FBXO48: variants seen among roughly 807,000 people sequenced by gnomAD.
FBXO48 encodes the protein F-box only protein 48.
FBXO48 carries 12 observed loss-of-function variants against 14.3 expected under a neutral mutation model. That is an observed-to-expected ratio of 0.84 (90% CI 0.54 to 1.36). The LOEUF (loss-of-function observed/expected upper bound fraction) is 1.36, where lower values mean the gene tolerates loss of function less well. FBXO48 is among the 40% of genes most tolerant of loss of function. The probability of loss-of-function intolerance (pLI) is 0.00; values close to 1 mark genes in which losing one functional copy is unlikely to be tolerated. For missense variants in FBXO48, 177 were observed against 179.1 expected (o/e 0.99, Z 0.07); for synonymous variants, 53 against 61.7 (o/e 0.86, Z 0.66).
chr2:68,467,061 AAC>A (rs1190509110), intron 1 of FBXO48, 148 bp downstream of exon 1: 1 of 152,342 alleles, frequency 6.6e-6, no homozygotes, highest in African/African-American at 2.4e-5. Context: ...GGAACCCAAG[AAC>A]ACAGGGCACT....
chr2:68,461,676 G>C lies in FBXO48; in HGVS notation c.*2533C>G, dbSNP rs1168391951. The stretch of plus-strand genomic sequence containing the variant: ...CTTCTTTCTTCCAACTTATGAAAAG[G>C]GGGGATTGGGTCATGTTTCCATCCT... On this transcript the variant is annotated 3_prime_UTR_variant, in exon 4 of 4. Coordinates refer to ENST00000377957, the MANE Select transcript of FBXO48 (RefSeq NM_001024680.3). 6.6e-6 allele frequency: 1 copy of C among 151,918 alleles called. No individual in the cohort carries two copies. The highest frequency in any genetic ancestry group is 2.4e-5 in the African/African-American group (1 of 41,336). 9.4% of individuals were successfully genotyped at this position (151,918 alleles called of 1,614,324 possible). A position where few individuals can be genotyped will look rare whatever the true frequency, so the allele number is the denominator to read the frequency against.
rs983983120 is a variant in FBXO48 at position 68,466,949 on chromosome 2, G to A, written c.-361+262C>T. Among the ~76,000 whole-genome samples, 5 of 152,158 alleles carry A rather than the reference G, an allele frequency of 3.3e-5. No individual in the cohort carries two copies. In the South Asian group the frequency reaches 8.3e-4, roughly 25 times the overall value. The stretch of plus-strand genomic sequence containing the variant: ...TAGATCGGCGGCAGCGCAGTCGGAG[G>A]GGCGGGGAGCCCCACTCCGTCCAAA... On this transcript the variant is annotated intron_variant, in intron 1 of 3. Transcript: ENST00000377957.
At chr2:68,466,950 G>A (rs1675434158) in intron 1 of FBXO48, among the ~76,000 whole-genome samples, 1 of 152,170 alleles carries the variant, frequency 6.6e-6, no homozygotes, top group Non-Finnish European at 1.5e-5. Context: ...CAGTCGGAGG[G>A]GCGGGGAGCC....
Position 68,464,126 on chromosome 2 carries a change from GA to G in FBXO48, c.*82del. The G allele has an allele frequency of 1.7e-6, 2 of 1,144,530 alleles. No homozygotes were observed. The highest frequency in any genetic ancestry group is 2.5e-6 in the Non-Finnish European group (2 of 800,856). The allele number at this position is 1,144,530 out of a possible 1,614,324, so 70.9% of individuals were successfully genotyped here. ...TAAAAAGGTGAACAACAAAATGAAC[GA>G]ATAAAGATATCGCTTTTGCAACCTA... is the stretch of plus-strand genomic sequence containing the variant. On this transcript the variant is annotated 3_prime_UTR_variant, in exon 4 of 4. Coordinates refer to ENST00000377957, the MANE Select transcript of FBXO48 (RefSeq NM_001024680.3).
rs1675274384 is a variant in FBXO48 at position 68,461,943 on chromosome 2, G to A, written c.*2266C>T. The A allele has an allele frequency of 6.6e-6, 1 of 152,076 alleles. No individual in the cohort carries two copies. Among genetic ancestry groups the A allele is most frequent in the Non-Finnish European group, 1.5e-5 (1 of 68,102 alleles). 9.4% of individuals were successfully genotyped at this position (152,076 alleles called of 1,614,324 possible). On this transcript the variant is annotated 3_prime_UTR_variant, in exon 4 of 4. Transcript: ENST00000377957. Reference sequence around the variant, plus strand: ...CCTGGCTGCTCGGGAGGCTGACACAGAGAGTTGCTTGAACCTGGGAGGTGG... The same window carrying A: ...CCTGGCTGCTCGGGAGGCTGACACAAAGAGTTGCTTGAACCTGGGAGGTGG...
rs1293766401 is a variant in FBXO48 at position 68,459,937 on chromosome 2, A to C, written c.*4272T>G. 1 of 152,212 alleles carries C rather than the reference A, an allele frequency of 6.6e-6. No homozygotes were observed. The highest frequency in any genetic ancestry group is 1.5e-5 in the Non-Finnish European group (1 of 68,036). 9.4% of individuals were successfully genotyped at this position (152,212 alleles called of 1,614,324 possible). A position where few individuals can be genotyped will look rare whatever the true frequency, so the allele number is the denominator to read the frequency against. On this transcript the variant is annotated 3_prime_UTR_variant, in exon 4 of 4. Transcript: ENST00000377957. The stretch of plus-strand genomic sequence containing the variant: ...AGTTTTACAATAGATTTTTGCCAAG[A>C]AAAGAATCAATGGTGGGGATTACTC...
Position 68,461,942 on chromosome 2 carries a change from A to G in FBXO48, c.*2267T>C, listed in dbSNP as rs1457152931. ...TCCTGGCTGCTCGGGAGGCTGACAC[A>G]GAGAGTTGCTTGAACCTGGGAGGTG... On this transcript the variant is annotated 3_prime_UTR_variant, in exon 4 of 4. Coordinates refer to ENST00000377957, the MANE Select transcript of FBXO48 (RefSeq NM_001024680.3). 1.3e-5 allele frequency: 2 copies of G among 151,960 alleles called. No individual in the cohort carries two copies. The highest frequency in any genetic ancestry group is 2.4e-5 in the African/African-American group (1 of 41,336). 9.4% of individuals were successfully genotyped at this position (151,960 alleles called of 1,614,324 possible).
At chr2:68,466,894 C>T (rs572397274) in intron 1 of FBXO48, among the ~76,000 whole-genome samples, 1 of 152,160 alleles carries the variant, frequency 6.6e-6, no homozygotes, top group Non-Finnish European at 1.5e-5. Context: ...AGTAAAAGCT[C>T]GTCCCCCTTT....
At position 68,466,148 on chromosome 2, in the gene FBXO48, G is replaced by C. The variant is rs1675405903; in HGVS notation, c.-38C>G. ...GCTCAGTTTCAGCTAATTTACCTAAGGTGAATGGTGTAGGCTTCCCAAATC... is the reference window on the plus strand; with the variant it reads ...GCTCAGTTTCAGCTAATTTACCTAACGTGAATGGTGTAGGCTTCCCAAATC... On this transcript the variant is annotated 5_prime_UTR_variant, in exon 2 of 4. Coordinates refer to ENST00000377957, the MANE Select transcript of FBXO48 (RefSeq NM_001024680.3). 1 of 152,216 alleles carries C rather than the reference G, an allele frequency of 6.6e-6. No individual in the cohort carries two copies. Among genetic ancestry groups the C allele is most frequent in the South Asian group, 2.1e-4 (1 of 4,824 alleles). The allele number at this position is 152,216 out of a possible 1,614,324, so 9.4% of individuals were successfully genotyped here. A position where few individuals can be genotyped will look rare whatever the true frequency, so the allele number is the denominator to read the frequency against.
chr2:68,464,344 C>T lies in FBXO48; in HGVS notation c.333G>A (p.Lys111=). ...TTAGCCATTCGTGTTTCACTTTACT[C>T]TTCTGGTAATTCCTCAGCAGTATCA... ...WRVILLRNYQ[K]SKVKHEWLSG... Residue 111 remains lysine (K), a synonymous_variant, in exon 4 of 4, where the codon AAG becomes AAA. Coordinates refer to ENST00000377957, the MANE Select transcript of FBXO48 (RefSeq NM_001024680.3). The T allele has an allele frequency of 3.1e-6, 5 of 1,613,754 alleles. No homozygotes were observed. Among genetic ancestry groups the T allele is most frequent in the Non-Finnish European group, 3.4e-6 (4 of 1,179,914 alleles).
intron 2 of FBXO48, among the ~76,000 whole-genome samples, 177 bp from the exon 3 acceptor site, chr2:68,465,355 T>G (rs1013734388): frequency 1.3e-5 from 2 of 151,798 alleles, no homozygotes; most frequent in Non-Finnish European, 1.5e-5. Context: ...ACAGTGATAG[T>G]GGGTAAAATA....
chr2:68,465,125 T>A lies in FBXO48; in HGVS notation c.21A>T (p.Arg7Ser), dbSNP rs1384041826. 1.2e-6 allele frequency: 2 copies of A among 1,608,456 alleles called. No homozygotes were observed. Among genetic ancestry groups the A allele is most frequent in the Non-Finnish European group, 8.5e-7 (1 of 1,177,308 alleles). The part of the protein sequence containing the change: MHKNSK[R>S]NNNLRVSHTE... ...TGTGAGAAACTCTTAAATTATTGTT[T>A]CTCTTGGAGTTTTTATGCATAGCTT... Residue 7 changes from arginine (R) to serine (S), a missense_variant, in exon 3 of 4, where the codon AGA becomes AGT. Physicochemically the swap from Arg to Ser is moderately radical, Grantham distance 110. Transcript: ENST00000377957.
At chr2:68,465,428 C>T (rs2103855661) in intron 2 of FBXO48, among the ~76,000 whole-genome samples, 1 of 151,792 alleles carries the variant, frequency 6.6e-6, no homozygotes, top group South Asian at 2.1e-4. Context: ...TCACTCTCAC[C>T]CAGGCTGGAG....
Position 68,464,862 on chromosome 2 carries a change from A to G in FBXO48, c.284T>C (p.Leu95Pro). ...TACCCTCCAGGAATAACCACTTTCT[A>G]GATCATCATCTATTTCTCTTCGGCA... The part of the protein sequence containing the change: ...AVCRREIDDD[L>P]ESGYSWRVIL... Residue 95 changes from leucine (L) to proline (P), a missense_variant, in exon 3 of 4, where the codon CTA becomes CCA. Leu to Pro is a moderately conservative substitution (Grantham distance 98). Transcript: ENST00000377957. The G allele has an allele frequency of 6.2e-7, 1 of 1,612,248 alleles. No individual in the cohort carries two copies. Among genetic ancestry groups the G allele is most frequent in the Non-Finnish European group, 8.5e-7 (1 of 1,179,304 alleles).
chr2:68,461,517 C>T lies in FBXO48; in HGVS notation c.*2692G>A, dbSNP rs1325341182. The T allele has an allele frequency of 6.8e-6, 1 of 147,012 alleles. No homozygotes were observed. The highest frequency in any genetic ancestry group is 1.5e-5 in the Non-Finnish European group (1 of 67,122). 9.1% of individuals were successfully genotyped at this position (147,012 alleles called of 1,614,324 possible). A position where few individuals can be genotyped will look rare whatever the true frequency, so the allele number is the denominator to read the frequency against. ...TTCACCTTGTTAGCCAGGATGGTCT[C>T]GATCTCCTGACCTCATGATCCACCC... On this transcript the variant is annotated 3_prime_UTR_variant, in exon 4 of 4. Transcript: ENST00000377957.
chr2:68,464,727 C>G, intron 3 of FBXO48, 113 bp downstream of exon 3: 1 of 757,722 alleles, frequency 1.3e-6, no homozygotes. Flanking sequence ...AACACACTGT[C>G]TGTGTTATTC....
chr2:68,464,510 T>C lies in FBXO48; in HGVS notation c.307-140A>G. The stretch of plus-strand genomic sequence containing the variant: ...ATATACGTACATTAATAAATGTATG[T>C]GTCTGTGTACGTGTGTGTATGTATA... On this transcript the variant is annotated intron_variant, in intron 3 of 3. Coordinates refer to ENST00000377957, the MANE Select transcript of FBXO48 (RefSeq NM_001024680.3). 4.1e-6 allele frequency: 3 copies of C among 722,894 alleles called. No individual in the cohort carries two copies. In the South Asian group the frequency reaches 5.2e-5, roughly 12 times the overall value. The allele number at this position is 722,894 out of a possible 1,614,324, so 44.8% of individuals were successfully genotyped here. A position where few individuals can be genotyped will look rare whatever the true frequency, so the allele number is the denominator to read the frequency against.
chr2:68,465,520 T>C (rs1180835496), intron 2 of FBXO48, among the ~76,000 whole-genome samples: 1 of 147,190 alleles, frequency 6.8e-6, no homozygotes, highest in Non-Finnish European at 1.5e-5. Context: ...CCCGCCCCTC[T>C]TTAAAAAAAA....
In FBXO48 at chr2:68,463,996, A is replaced by G; in HGVS notation, c.*213T>C. On this transcript the variant is annotated 3_prime_UTR_variant, in exon 4 of 4. Coordinates refer to ENST00000377957, the MANE Select transcript of FBXO48 (RefSeq NM_001024680.3). ...CAGTATATTATTTCTTATAAAAATAACATTTCATGATTTTTCCACATTACA... is the reference window on the plus strand; with the variant it reads ...CAGTATATTATTTCTTATAAAAATAGCATTTCATGATTTTTCCACATTACA... 1 of 463,106 alleles carries G rather than the reference A, an allele frequency of 2.2e-6. No individual in the cohort carries two copies. The highest frequency in any genetic ancestry group is 3.9e-6 in the Non-Finnish European group (1 of 257,852). 28.7% of individuals were successfully genotyped at this position (463,106 alleles called of 1,614,324 possible).
Sources: allele counts gnomAD v4.1 joint callset (sites outside exome capture counted in the v4.1 genomes callset), GRCh38; gene constraint gnomAD v4.1.1; transcripts MANE v1.5; gene names NCBI Gene and HGNC (gene_info 2026-07-23, HGNC 2026-07-21).